UBE2O: variants seen among roughly 807,000 people sequenced by gnomAD.
UBE2O encodes ubiquitin conjugating enzyme E2 O, also known as (E3-independent) E2 ubiquitin-conjugating enzyme.
Under a neutral mutation model 125.8 loss-of-function variants are expected in UBE2O, and 15 were observed. The observed-to-expected ratio is 0.12, with a 90% CI of 0.08 to 0.18. The LOEUF is 0.18. UBE2O is among the 10% of genes least tolerant of loss of function. The probability of loss-of-function intolerance (pLI) is 1.00; values close to 1 mark genes in which losing one functional copy is unlikely to be tolerated. For synonymous variants in UBE2O, 708 were observed against 703.2 expected (o/e 1.01, Z -0.11); for missense variants, 1,280 against 1,723.6 (o/e 0.74, Z 4.56).
At chr17:76,401,873 CAAAA>C (rs71280851) in intron 5 of UBE2O, 187 bp downstream of exon 5, 994 of 151,780 alleles carry the variant, frequency 6.5e-3, no homozygotes, top group South Asian at 0.012. Context: ...GACTCTGTCT[CAAAA>C]AAAAAAAAAA....
intron 1 of UBE2O, among the ~76,000 whole-genome samples, chr17:76,448,742 C>G (rs568545189): frequency 6.6e-6 from 1 of 152,380 alleles, no homozygotes; most frequent in East Asian, 1.9e-4. Context: ...GGGGGCTGTT[C>G]TGCCCAACCA....
At chr17:76,451,691 A>C (rs2073245663) in intron 1 of UBE2O, among the ~76,000 whole-genome samples, 1 of 152,158 alleles carries the variant, frequency 6.6e-6, no homozygotes, top group Non-Finnish European at 1.5e-5. Context: ...CAAGGACCTA[A>C]AACAGCGTAG....
In UBE2O at chr17:76,396,069, C is replaced by T. The variant is rs1305579329; in HGVS notation, c.2809+59G>A. 2 of 1,576,610 alleles carry T rather than the reference C, an allele frequency of 1.3e-6. No individual in the cohort carries two copies. The highest frequency in any genetic ancestry group is 2.7e-5 in the African/African-American group (2 of 74,010). ...ACCACCCTGCACCCAGATCTGGTGACACAAACAGGAGCCCCGAGAAGGCGG... is the reference window on the plus strand; with the variant it reads ...ACCACCCTGCACCCAGATCTGGTGATACAAACAGGAGCCCCGAGAAGGCGG... On this transcript the variant is annotated intron_variant, in intron 14 of 17. Transcript: ENST00000319380. This position sits in a 1 kb window ranked among gnomAD's most constrained non-coding sequence, Gnocchi z 6.7.
intron 1 of UBE2O, among the ~76,000 whole-genome samples, chr17:76,415,942 T>C (rs771963855): frequency 1.4e-4 from 20 of 146,324 alleles, no homozygotes; most frequent in Non-Finnish European, 2.8e-4. Context: ...TACGTATGCG[T>C]ATACATATGC....
intron 1 of UBE2O, among the ~76,000 whole-genome samples, chr17:76,435,854 C>G (rs2072988659): frequency 6.6e-6 from 1 of 152,204 alleles, no homozygotes; most frequent in African/African-American, 2.4e-5. Context: ...ACAGAGGGGA[C>G]AGAAAACAGT....
At chr17:76,427,122 A>C (rs186002696) in intron 1 of UBE2O, among the ~76,000 whole-genome samples, 51 of 152,266 alleles carry the variant, frequency 3.3e-4, no homozygotes, top group Non-Finnish European at 5.7e-4. Context: ...AGCTGCCTTT[A>C]GGATGCTATT....
chr17:76,417,955 C>T (rs1316533074), intron 1 of UBE2O, among the ~76,000 whole-genome samples: 1 of 152,182 alleles, frequency 6.6e-6, no homozygotes, highest in Non-Finnish European at 1.5e-5. Context: ...AGAGGAGCTG[C>T]TTGCTGCTGT....
At chr17:76,413,419 C>G (rs560366096) in intron 1 of UBE2O, among the ~76,000 whole-genome samples, 1 of 151,852 alleles carries the variant, frequency 6.6e-6, no homozygotes, top group South Asian at 2.1e-4. Flanking sequence ...GTTATAGAAC[C>G]AATTTAGTGG....
Position 76,453,105 on chromosome 17 carries a change from C to T in UBE2O, c.37G>A (p.Ala13Thr). 3 of 878,684 alleles carry T rather than the reference C, an allele frequency of 3.4e-6. No homozygotes were observed. Among genetic ancestry groups the T allele is most frequent in the Non-Finnish European group, 3.1e-6 (2 of 640,518 alleles). The allele number at this position is 878,684 out of a possible 1,614,324, so 54.4% of individuals were successfully genotyped here. A position where few individuals can be genotyped will look rare whatever the true frequency, so the allele number is the denominator to read the frequency against. Residue 13 changes from alanine (A) to threonine (T), a missense_variant, in exon 1 of 18, where the codon GCT becomes ACT. Around this residue, in one of 10 missense-constraint regions of UBE2O, gnomAD observed 188 missense variants for 192.5 expected, o/e 0.98. Transcript: ENST00000319380. ...DPAAPTPAAP[A>T]PAQAPAPAPE... ...GCTGGAGCCGGGGCCTGGGCTGGAG[C>T]GGGAGCTGCGGGCGTGGGGGCTGCG...
rs921459583 is a variant in UBE2O at position 76,399,260 on chromosome 17, C to T, written c.1628+189G>A. The T allele has an allele frequency of 8.3e-6, 6 of 723,928 alleles. No homozygotes were observed. In the African/African-American group the frequency reaches 1.1e-4, roughly 13 times the overall value. 44.8% of individuals were successfully genotyped at this position (723,928 alleles called of 1,614,324 possible). The stretch of plus-strand genomic sequence containing the variant: ...GGCCACCACCATCCCACCCTCTGCA[C>T]CACTCCTCAGTCTCTGCTTTCCACC... On this transcript the variant is annotated intron_variant, in intron 9 of 17. Coordinates refer to ENST00000319380, the MANE Select transcript of UBE2O (RefSeq NM_022066.4). This position sits in a 1 kb window ranked among gnomAD's most constrained non-coding sequence, Gnocchi z 6.9.
Position 76,399,602 on chromosome 17 carries a change from C to G in UBE2O, c.1475G>C (p.Ser492Thr). ...DEAADDTDDT[S>T]SVTSSASSTT... ...GGAGCTGGCAGAGGAGGTCACCGAACTGGTGTCGTCCGTGTCATCAGCAGC... is the reference window on the plus strand; with the variant it reads ...GGAGCTGGCAGAGGAGGTCACCGAAGTGGTGTCGTCCGTGTCATCAGCAGC... The change falls in exon 9 of 18, where the codon AGT becomes ACT. Residue 492 changes from serine (S) to threonine (T), a missense_variant. This residue lies in a region of UBE2O where 145 missense variants were observed against 219.6 expected (regional missense o/e 0.66). Transcript: ENST00000319380. The surrounding 1 kb of genome is among the most constrained non-coding windows in gnomAD (Gnocchi z 6.9). 1 of 1,614,224 alleles carries G rather than the reference C, an allele frequency of 6.2e-7. No individual in the cohort carries two copies. Among genetic ancestry groups the G allele is most frequent in the Non-Finnish European group, 8.5e-7 (1 of 1,180,038 alleles).
rs199546447 is a variant in UBE2O, at chr17:76,400,150, C to T, written c.1152G>A (p.Lys384=). The part of the protein sequence containing the change: ...NCAQGEGSMA[K]KVKRLLKKQV... ...ATCCCCAACCCCAAGGACATACCTTCTTGGCCATAGAGCCCTCCCCCTGGG... is the reference window on the plus strand; with the variant it reads ...ATCCCCAACCCCAAGGACATACCTTTTTGGCCATAGAGCCCTCCCCCTGGG... The change falls in exon 8 of 18, where the codon AAG becomes AAA. Residue 384 remains lysine, a synonymous_variant. Coordinates refer to ENST00000319380, the MANE Select transcript of UBE2O (RefSeq NM_022066.4). The surrounding 1 kb of genome is among the most constrained non-coding windows in gnomAD (Gnocchi z 4.3). 1.9e-6 allele frequency: 3 copies of T among 1,613,608 alleles called. No homozygotes were observed. In the East Asian group the frequency reaches 6.7e-5, roughly 36 times the overall value.
At position 76,452,509 on chromosome 17, in the gene UBE2O, C is replaced by A. The variant is rs1340910717; in HGVS notation, c.417+216G>T. Among the ~76,000 whole-genome samples, 1 of 152,240 alleles carries A rather than the reference C, an allele frequency of 6.6e-6. No individual in the cohort carries two copies. The highest frequency in any genetic ancestry group is 1.5e-5 in the Non-Finnish European group (1 of 68,030). On this transcript the variant is annotated intron_variant, in intron 1 of 17. Transcript: ENST00000319380. The surrounding 1 kb of genome is among the most constrained non-coding windows in gnomAD (Gnocchi z 4.4). The stretch of plus-strand genomic sequence containing the variant: ...CCCCTCAAGTCGGGAAGCCCAGGGC[C>A]CGCCCGGTCCCGGGCCAGCAGTGCC...
intron 13 of UBE2O, among the ~76,000 whole-genome samples, chr17:76,397,529 G>A (rs1344974772): frequency 6.6e-6 from 1 of 152,224 alleles, no homozygotes. Context: ...GTAGCATAGT[G>A]AGCTGACAAT....
intron 1 of UBE2O, among the ~76,000 whole-genome samples, chr17:76,427,409 T>C (rs2072829496): frequency 6.6e-6 from 1 of 152,262 alleles, no homozygotes; most frequent in Admixed American, 6.5e-5. Context: ...TTTCTTCTTT[T>C]AGCCCTTCAA....
intron 1 of UBE2O, among the ~76,000 whole-genome samples, chr17:76,438,414 C>CT (rs749507682): frequency 6.6e-6 from 1 of 152,286 alleles, no homozygotes. Context: ...CCTCAAAGCC[C>CT]TGGCACACTA....
intron 1 of UBE2O, among the ~76,000 whole-genome samples, chr17:76,417,678 G>A (rs1013602002): frequency 3.4e-5 from 5 of 149,250 alleles, no homozygotes; most frequent in African/African-American, 1.3e-4. Context: ...ACCTGGCAGA[G>A]AGCACCACGA....
chr17:76,392,482 C>T (rs2072130186), intron 15 of UBE2O, among the ~76,000 whole-genome samples: 1 of 152,056 alleles, frequency 6.6e-6, no homozygotes, highest in Non-Finnish European at 1.5e-5. Flanking sequence ...CTAGGTTGGT[C>T]TCGAACTCCT....
chr17:76,399,664 G>A lies in UBE2O; in HGVS notation c.1413C>T (p.Asp471=), dbSNP rs114205580. 557 of 1,614,192 alleles carry A rather than the reference G, an allele frequency of 3.5e-4. 2 individuals are homozygous for A. The African/African-American group carries it at 5.9e-3, about 17-fold the overall frequency. The change falls in exon 9 of 18, where the codon GAC becomes GAT. Residue 471 remains aspartate, a synonymous_variant. Coordinates refer to ENST00000319380, the MANE Select transcript of UBE2O (RefSeq NM_022066.4). The surrounding 1 kb of genome is among the most constrained non-coding windows in gnomAD (Gnocchi z 6.9). The part of the protein sequence containing the change: ...PPFLLKEGRD[D]RLHSAEQDAD... ...CGTCCTGCTCTGCCGAGTGCAGCCT[G>A]TCATCTCTGCCTTCTTTTAGCAGGA...
Sources: allele counts gnomAD v4.1 joint callset (sites outside exome capture counted in the v4.1 genomes callset), GRCh38; gene constraint gnomAD v4.1.1; regional missense constraint gnomAD v4.1.1; non-coding constraint Gnocchi (gnomAD v3.1); transcripts MANE v1.5; gene names NCBI Gene and HGNC (gene_info 2026-07-23, HGNC 2026-07-21).